RABGAP1L: variants seen among roughly 807,000 people sequenced by gnomAD.
RABGAP1L encodes RAB GTPase activating protein 1 like.
A neutral mutation model predicts 137.7 loss-of-function variants in RABGAP1L; 63 were observed. That is an observed-to-expected ratio of 0.46 (90% confidence interval 0.37 to 0.56). RABGAP1L has a LOEUF of 0.56. Among genes scored for constraint, RABGAP1L ranks in the 20% least tolerant of loss-of-function variants. The pLI is 0.00. For missense variants in RABGAP1L, 1,095 were observed against 1,244.0 expected (o/e 0.88, Z 1.80); for synonymous variants, 431 against 433.7 (o/e 0.99, Z 0.08).
intron 9 of RABGAP1L, among the ~76,000 whole-genome samples, chr1:174,277,406 A>G (rs1359312589): frequency 6.6e-6 from 1 of 151,886 alleles, no homozygotes; most frequent in Non-Finnish European, 1.5e-5. Context: ...TTGCATATCA[A>G]GTTATAAAAA....
chr1:174,971,409 G>A (rs1048270149), intron 21 of RABGAP1L, among the ~76,000 whole-genome samples: 2 of 152,104 alleles, frequency 1.3e-5, no homozygotes, highest in African/African-American at 4.8e-5. Context: ...TGATTATTGA[G>A]TACCAGGGTA....
At chr1:174,565,261 T>G (rs1038612156) in intron 13 of RABGAP1L, among the ~76,000 whole-genome samples, 3 of 152,184 alleles carry the variant, frequency 2.0e-5, no homozygotes, top group Non-Finnish European at 1.5e-5. Flanking sequence ...AGATGTCTTC[T>G]ACTCTTAAGA....
chr1:174,448,324 A>G lies in RABGAP1L; in HGVS notation c.1710+54179A>G, dbSNP rs1655024028. 7.4e-6 allele frequency: 12 copies of G among 1,613,604 alleles called. No homozygotes were observed. In the East Asian group the frequency reaches 2.7e-4, roughly 36 times the overall value. ...TTGTCTTTCATTGTGCTCCACTGTTACATCATTATACTACCAGCTATTTCA... is the reference window on the plus strand; with the variant it reads ...TTGTCTTTCATTGTGCTCCACTGTTGCATCATTATACTACCAGCTATTTCA... On this transcript the variant is annotated intron_variant, in intron 13 of 25. Coordinates refer to ENST00000681986, the MANE Select transcript of RABGAP1L (RefSeq NM_001366446.1). This position sits in a 1 kb window ranked among gnomAD's most constrained non-coding sequence, Gnocchi z 4.2.
At chr1:174,284,799 G>T (rs1343547936) in intron 10 of RABGAP1L, among the ~76,000 whole-genome samples, 1 of 119,792 alleles carries the variant, frequency 8.3e-6, no homozygotes, top group Admixed American at 1.1e-4. Flanking sequence ...CTGGTCTCCA[G>T]CTTTTTTTTC....
intron 17 of RABGAP1L, among the ~76,000 whole-genome samples, chr1:174,720,232 T>C (rs1681387413): frequency 6.7e-6 from 1 of 150,180 alleles, no homozygotes; most frequent in African/African-American, 2.5e-5. Flanking sequence ...TAACTGGAGA[T>C]AGCTAGCTAG....
chr1:174,923,019 C>G (rs1662078624), intron 19 of RABGAP1L, among the ~76,000 whole-genome samples: 1 of 151,884 alleles, frequency 6.6e-6, no homozygotes, highest in Admixed American at 6.6e-5. Context: ...ACAGAAATAT[C>G]AAACAGCCAA....
chr1:174,787,679 T>C (rs186833878), intron 18 of RABGAP1L, among the ~76,000 whole-genome samples: 2 of 152,254 alleles, frequency 1.3e-5, no homozygotes, highest in Non-Finnish European at 1.5e-5. Flanking sequence ...TATGGATACT[T>C]TCAGACAATT....
intron 13 of RABGAP1L, among the ~76,000 whole-genome samples, chr1:174,552,859 G>A (rs746881382): frequency 6.6e-6 from 1 of 152,036 alleles, no homozygotes; most frequent in East Asian, 1.9e-4. Flanking sequence ...ATAAGCGTTC[G>A]TTTGTCTCCA....
intron 15 of RABGAP1L, among the ~76,000 whole-genome samples, chr1:174,695,967 C>G (rs1241955636): frequency 2.0e-5 from 3 of 152,106 alleles, no homozygotes; most frequent in African/African-American, 4.8e-5. Context: ...TTTTTCTCCT[C>G]ATGCTGGGCT....
At chr1:174,937,637 T>TATATATATATATATATATATA (rs1302676014) in intron 19 of RABGAP1L, among the ~76,000 whole-genome samples, 6 of 138,470 alleles carry the variant, frequency 4.3e-5, no homozygotes, top group African/African-American at 1.2e-4. Context: ...TATATATATC[T>TATATATATATATATATATATA]TGCAGTTAGA....
At chr1:174,580,756 T>C (rs533296458) in intron 13 of RABGAP1L, among the ~76,000 whole-genome samples, 1 of 152,252 alleles carries the variant, frequency 6.6e-6, no homozygotes, top group Admixed American at 6.5e-5. Context: ...GTTGTGCACA[T>C]ATACCCTAAA....
chr1:174,362,876 A>G (rs1316726804), intron 11 of RABGAP1L, among the ~76,000 whole-genome samples: 1 of 152,102 alleles, frequency 6.6e-6, no homozygotes, highest in Non-Finnish European at 1.5e-5. Flanking sequence ...CGATGTCTCG[A>G]ATGGTATTGC....
At chr1:174,348,307 T>TGAAAGTA (rs567559509) in intron 11 of RABGAP1L, among the ~76,000 whole-genome samples, 1 of 146,778 alleles carries the variant, frequency 6.8e-6, no homozygotes, top group African/African-American at 2.5e-5. Context: ...TTTTTGCCAT[T>TGAAAGTA]ACTTTCAATA....
At position 174,364,153 on chromosome 1, in the gene RABGAP1L, C is replaced by T. The variant is rs151163735; in HGVS notation, c.1466-6826C>T. 4.6e-4 allele frequency among the ~76,000 whole-genome samples: 69 copies of T among 151,642 alleles called. No homozygotes were observed. In the East Asian group the frequency reaches 0.012, roughly 27 times the overall value. ...TATTTGATAGAGTTCAACAGTGAAG[C>T]CATCAAGTCTCAAGTTATTCTTTAC... On this transcript the variant is annotated intron_variant, in intron 11 of 25. Transcript: ENST00000681986.
chr1:174,444,770 TGG>T (rs1654550367), intron 13 of RABGAP1L, among the ~76,000 whole-genome samples: 1 of 152,128 alleles, frequency 6.6e-6, no homozygotes, highest in Non-Finnish European at 1.5e-5. Context: ...TGTATTTCTG[TGG>T]AGTCAATTGT....
At chr1:174,426,952 T>C (rs1652027716) in intron 13 of RABGAP1L, among the ~76,000 whole-genome samples, 1 of 152,046 alleles carries the variant, frequency 6.6e-6, no homozygotes, top group South Asian at 2.1e-4. Context: ...CAATATGTAA[T>C]ATGGGTCCAT....
At chr1:174,559,485 C>G (rs1214620036) in intron 13 of RABGAP1L, among the ~76,000 whole-genome samples, 1 of 152,140 alleles carries the variant, frequency 6.6e-6, no homozygotes, top group African/African-American at 2.4e-5. Context: ...CTGTGCTGGA[C>G]TGGTAACATA....
intron 20 of RABGAP1L, among the ~76,000 whole-genome samples, chr1:174,968,693 A>C (rs1669872200): frequency 6.6e-6 from 1 of 152,202 alleles, no homozygotes; most frequent in African/African-American, 2.4e-5. Context: ...TTGCTCTCAC[A>C]CAAAAATAGG....
chr1:174,703,924 TG>T (rs1167129989), intron 17 of RABGAP1L, among the ~76,000 whole-genome samples: 5 of 152,224 alleles, frequency 3.3e-5, no homozygotes, highest in Non-Finnish European at 7.3e-5. Flanking sequence ...CGCTTTTTAA[TG>T]GGGCTAGTTG....
Sources: gnomAD v4.1 joint callset for allele counts (sites outside exome capture counted in the v4.1 genomes callset) on GRCh38, gnomAD v4.1.1 for gene constraint, Gnocchi (gnomAD v3.1) non-coding constraint, MANE v1.5 for transcripts, NCBI Gene and HGNC (gene_info 2026-07-23, HGNC 2026-07-21) for gene names.